Variants in ASPH observed in about 807,000 individuals in gnomAD.
ASPH encodes the protein aspartyl/asparaginyl beta-hydroxylase.
ASPH carries 100 observed loss-of-function variants against 118.4 expected under a neutral mutation model. The ratio of observed to expected loss-of-function variants is 0.84; its 90% CI spans 0.72 to 1.00. The LOEUF is 1.00. Ranked by LOEUF, ASPH falls within the 50% of genes least tolerant of loss-of-function variation. ASPH has a pLI of 0.00. For missense variants in ASPH, 920 were observed against 919.5 expected, an observed-to-expected ratio of 1.00 and a Z score of -0.01; for synonymous variants, 315 against 325.6, an observed-to-expected ratio of 0.97 and a Z score of 0.35.
rs116332739 is a variant in ASPH, at chr8:61,691,563, T to G, written c.104-7375A>C. 3.8e-3 allele frequency among the ~76,000 whole-genome samples: 577 copies of G among 152,298 alleles called. 1 individual carries two copies. The highest frequency in any genetic ancestry group is 0.013 in the African/African-American group (534 of 41,568). On this transcript the variant is annotated intron_variant, in intron 1 of 24. Coordinates refer to ENST00000379454, the MANE Select transcript of ASPH (RefSeq NM_004318.4). Reference sequence around the variant, plus strand: ...AAGCTTCCTTTCATTGTGTTGTTTTTGGAGGGAGAATGACAGCAACACGAT... The same window carrying G: ...AAGCTTCCTTTCATTGTGTTGTTTTGGGAGGGAGAATGACAGCAACACGAT...
intron 10 of ASPH, among the ~76,000 whole-genome samples, chr8:61,641,013 T>C (rs1342251812): frequency 1.3e-5 from 2 of 152,236 alleles, no homozygotes; most frequent in African/African-American, 4.8e-5. Flanking sequence ...TCTGCTCTGA[T>C]TCCTGAATTT....
chr8:61,553,028 T>G lies in ASPH; in HGVS notation c.1626+3A>C. 1 of 1,603,788 alleles carries G rather than the reference T, an allele frequency of 6.2e-7. No homozygotes were observed. Among genetic ancestry groups the G allele is most frequent in the Non-Finnish European group, 8.5e-7 (1 of 1,170,782 alleles). Reference sequence around the variant, plus strand: ...GAGAATCAGAAATTCATATACCCATTACCTCTTTGTTCCCAACCCTCTGCA... The same window carrying G: ...GAGAATCAGAAATTCATATACCCATGACCTCTTTGTTCCCAACCCTCTGCA... On this transcript the variant is annotated splice_donor_region_variant and intron_variant, in intron 20 of 24. Transcript: ENST00000379454.
intron 16 of ASPH, among the ~76,000 whole-genome samples, 191 bp from the exon 17 acceptor site, chr8:61,567,509 A>G (rs1832105345): frequency 6.6e-6 from 1 of 152,196 alleles, no homozygotes; most frequent in Non-Finnish European, 1.5e-5. Context: ...TTAATAATAC[A>G]AGGTAAAGTT....
chr8:61,505,690 C>A (rs148678137), intron 24 of ASPH, among the ~76,000 whole-genome samples: 4 of 152,194 alleles, frequency 2.6e-5, no homozygotes, highest in Non-Finnish European at 5.9e-5. Flanking sequence ...TTGATTGGCT[C>A]TTCTACAACT....
chr8:61,653,920 A>T (rs1812357752), intron 3 of ASPH, among the ~76,000 whole-genome samples: 1 of 152,172 alleles, frequency 6.6e-6, no homozygotes, highest in Non-Finnish European at 1.5e-5. Context: ...TGAATCTCTA[A>T]AACAGTCATG....
chr8:61,711,698 A>G (rs1275967630), intron 1 of ASPH, among the ~76,000 whole-genome samples: 1 of 152,174 alleles, frequency 6.6e-6, no homozygotes, highest in Non-Finnish European at 1.5e-5. Flanking sequence ...CATGTTTCAA[A>G]TGACTGGGTT....
At chr8:61,653,843 A>T (rs925394972) in intron 3 of ASPH, among the ~76,000 whole-genome samples, 183 bp from the exon 4 acceptor site, 1 of 152,234 alleles carries the variant, frequency 6.6e-6, no homozygotes, top group East Asian at 1.9e-4. Flanking sequence ...ATGAGCCTTG[A>T]ATATATCTCT....
intron 10 of ASPH, among the ~76,000 whole-genome samples, chr8:61,640,882 A>T (rs1804797235): frequency 6.6e-6 from 1 of 152,196 alleles, no homozygotes; most frequent in Non-Finnish European, 1.5e-5. Context: ...CTATAGTTCT[A>T]TCGAAGTGTA....
chr8:61,631,643 A>G (rs1283755344), intron 13 of ASPH: 1 of 152,160 alleles, frequency 6.6e-6, no homozygotes, highest in African/African-American at 2.4e-5. Context: ...GTGACACATG[A>G]CTGTATTGCT....
intron 14 of ASPH, among the ~76,000 whole-genome samples, chr8:61,613,397 A>G (rs904569213): frequency 2.0e-5 from 3 of 152,120 alleles, no homozygotes; most frequent in African/African-American, 7.2e-5. Flanking sequence ...ATAAATCTCT[A>G]TCTATTTCTA....
intron 24 of ASPH, 41 bp downstream of exon 24, chr8:61,517,487 C>A: frequency 6.2e-7 from 1 of 1,604,308 alleles, no homozygotes; most frequent in Non-Finnish European, 8.5e-7. Context: ...AACTCTCATC[C>A]TCTGAGGTGA....
intron 14 of ASPH, among the ~76,000 whole-genome samples, chr8:61,615,233 A>G (rs1848641353): frequency 6.6e-6 from 1 of 152,172 alleles, no homozygotes. Flanking sequence ...CCTGAGGACC[A>G]TGAGAATGCT....
intron 14 of ASPH, among the ~76,000 whole-genome samples, chr8:61,602,817 C>T (rs538193265): frequency 6.8e-6 from 1 of 146,230 alleles, no homozygotes; most frequent in Non-Finnish European, 1.5e-5. Context: ...TAGGTGAAGT[C>T]TATTGTATAT....
At chr8:61,695,290 T>A (rs905988554) in intron 1 of ASPH, among the ~76,000 whole-genome samples, 3 of 152,228 alleles carry the variant, frequency 2.0e-5, no homozygotes, top group Admixed American at 2.0e-4. Flanking sequence ...AAAAATCCTT[T>A]AATGTCTTAA....
chr8:61,517,631 G>A lies in ASPH; in HGVS notation c.2023C>T (p.His675Tyr), dbSNP rs1395246872. 1 of 1,614,064 alleles carries A rather than the reference G, an allele frequency of 6.2e-7. No homozygotes were observed. The highest frequency in any genetic ancestry group is 8.5e-7 in the Non-Finnish European group (1 of 1,179,936). Reference sequence around the variant, plus strand: ...GTGGGCCCTGTGTGCGGCCACACGTGAGTCCCGGGGTGCATGATGGAATAT... The same window carrying A: ...GTGGGCCCTGTGTGCGGCCACACGTAAGTCCCGGGGTGCATGATGGAATAT... ...IKYSIMHPGTHVWPHTGPTNC... is the reference protein window; with the variant it reads ...IKYSIMHPGTYVWPHTGPTNC... Residue 675 changes from histidine to tyrosine, a missense_variant, in exon 24 of 25, where the codon CAC (histidine) becomes TAC (tyrosine). Transcript: ENST00000379454.
intron 22 of ASPH, among the ~76,000 whole-genome samples, chr8:61,525,352 A>C (rs1310834710): frequency 1.5e-5 from 2 of 135,430 alleles, no homozygotes; most frequent in African/African-American, 2.8e-5. Flanking sequence ...AAACACACAC[A>C]CACGCACACA....
chr8:61,666,002 C>A (rs1819381296), intron 3 of ASPH, among the ~76,000 whole-genome samples: 1 of 152,022 alleles, frequency 6.6e-6, no homozygotes, highest in Non-Finnish European at 1.5e-5. Context: ...AGAATATATA[C>A]AAAGATAATT....
At chr8:61,671,373 T>G (rs1162981972) in intron 3 of ASPH, among the ~76,000 whole-genome samples, 1 of 152,138 alleles carries the variant, frequency 6.6e-6, no homozygotes, top group African/African-American at 2.4e-5. Flanking sequence ...CACTAATCAA[T>G]AAAATTCATG....
intron 1 of ASPH, among the ~76,000 whole-genome samples, chr8:61,707,056 T>C (rs1426682157): frequency 2.0e-5 from 3 of 152,202 alleles, no homozygotes; most frequent in Admixed American, 6.5e-5. Flanking sequence ...TCATAACATC[T>C]GTGTTATGTG....
Sources: gnomAD v4.1 joint callset for allele counts (sites outside exome capture counted in the v4.1 genomes callset) on GRCh38, gnomAD v4.1.1 for gene constraint, MANE v1.5 for transcripts, NCBI Gene and HGNC (gene_info 2026-07-23, HGNC 2026-07-21) for gene names.